The following RBM47 variants were observed in gnomAD, a reference collection of about 807,000 sequenced individuals.
The protein encoded by RBM47 is RNA binding motif protein 47.
A neutral mutation model predicts 47.1 loss-of-function variants in RBM47; 21 were observed. That is an observed-to-expected ratio of 0.45 (90% CI 0.32 to 0.64). The LOEUF (loss-of-function observed/expected upper bound fraction) is 0.64. Ranked by LOEUF, RBM47 falls within the 30% of genes least tolerant of loss-of-function variation. The pLI, the probability that RBM47 is intolerant of heterozygous loss-of-function variation, is 0.05. For synonymous variants in RBM47, 375 were observed against 361.7 expected (o/e 1.04, Z -0.42); for missense variants, 708 against 870.9 (o/e 0.81, Z 2.35).
chr4:40,464,941 C>T (rs376192060), intron 3 of RBM47, among the ~76,000 whole-genome samples: 1 of 103,642 alleles, frequency 9.6e-6, no homozygotes, highest in African/African-American at 3.5e-5. Flanking sequence ...AACAACCAAA[C>T]AAAATCAGAG....
intron 2 of RBM47, among the ~76,000 whole-genome samples, chr4:40,483,422 G>A (rs6840478): frequency 1.9e-3 from 285 of 152,336 alleles, no homozygotes; most frequent in African/African-American, 6.5e-3. Flanking sequence ...GAGCGAGACA[G>A]GCAGGGGTCA....
At chr4:40,490,003 T>A (rs1721643226) in intron 2 of RBM47, among the ~76,000 whole-genome samples, 1 of 152,138 alleles carries the variant, frequency 6.6e-6, no homozygotes, top group Non-Finnish European at 1.5e-5. Context: ...ATCAGTGCAA[T>A]ACACCATATC....
At chr4:40,464,801 G>T (rs1717725383) in intron 3 of RBM47, among the ~76,000 whole-genome samples, 1 of 141,030 alleles carries the variant, frequency 7.1e-6, no homozygotes, top group South Asian at 2.4e-4. Flanking sequence ...TGAGGCAGGA[G>T]AATGGCGTGA....
At chr4:40,520,384 T>C (rs185831861) in intron 2 of RBM47, among the ~76,000 whole-genome samples, 38 of 152,340 alleles carry the variant, frequency 2.5e-4, no homozygotes, top group Admixed American at 1.2e-3. Flanking sequence ...CCTAGAATTT[T>C]CAACTGCAGA....
chr4:40,615,520 C>T (rs921244256), intron 1 of RBM47, among the ~76,000 whole-genome samples: 13 of 152,140 alleles, frequency 8.5e-5, no homozygotes, highest in African/African-American at 2.9e-4. Context: ...GTGGCTCACA[C>T]CTGTAATTCC....
At chr4:40,609,133 T>A (rs1466967525) in intron 1 of RBM47, among the ~76,000 whole-genome samples, 1 of 151,822 alleles carries the variant, frequency 6.6e-6, no homozygotes, top group East Asian at 1.9e-4. Flanking sequence ...GCTGGGATTA[T>A]AGGTGCCCAC....
At chr4:40,601,888 G>A (rs966328199) in intron 1 of RBM47, among the ~76,000 whole-genome samples, 4 of 152,216 alleles carry the variant, frequency 2.6e-5, no homozygotes, top group African/African-American at 9.7e-5. Flanking sequence ...ATCTCTCTGG[G>A]TCGGGCGTGG....
chr4:40,487,324 C>T (rs1721230588), intron 2 of RBM47, among the ~76,000 whole-genome samples: 1 of 152,126 alleles, frequency 6.6e-6, no homozygotes, highest in East Asian at 1.9e-4. Context: ...AAGATGGAGT[C>T]TCACTCGGTC....
chr4:40,623,977 T>A (rs938484849), intron 1 of RBM47, among the ~76,000 whole-genome samples: 1 of 152,074 alleles, frequency 6.6e-6, no homozygotes, highest in Non-Finnish European at 1.5e-5. Flanking sequence ...TCAGCCTCCC[T>A]GGTAGCTGGG....
chr4:40,536,985 CT>C (rs1285962348), intron 2 of RBM47, among the ~76,000 whole-genome samples: 1 of 152,008 alleles, frequency 6.6e-6, no homozygotes, highest in Non-Finnish European at 1.5e-5. Context: ...CCCAGCCTGC[CT>C]TTTCAGTTTT....
intron 2 of RBM47, among the ~76,000 whole-genome samples, chr4:40,478,009 CTTTTT>C (rs1194806938): frequency 1.2e-5 from 1 of 86,412 alleles, no homozygotes; most frequent in African/African-American, 4.8e-5. Flanking sequence ...GTGGCATGTT[CTTTTT>C]TTTTTTTTTT....
chr4:40,563,231 G>A (rs1435780997), intron 1 of RBM47, among the ~76,000 whole-genome samples: 1 of 152,068 alleles, frequency 6.6e-6, no homozygotes, highest in Non-Finnish European at 1.5e-5. Context: ...TTTTTAAAAA[G>A]AGTATATTTT....
chr4:40,437,885 C>A lies in RBM47; in HGVS notation c.1009G>T (p.Ala337Ser). 1 of 1,613,930 alleles carries A rather than the reference C, an allele frequency of 6.2e-7. No homozygotes were observed. Residue 337 changes from alanine (A) to serine (S), a missense_variant, in exon 4 of 7, where the codon GCT becomes TCT. Physicochemically the swap from Ala to Ser is moderately conservative, Grantham distance 99. Coordinates refer to ENST00000295971, the MANE Select transcript of RBM47 (RefSeq NM_001098634.2). ...YQKAARGGGA[A>S]EAAQQPSYVY... ...TAGCTGGGCTGCTGCGCTGCCTCAG[C>A]CGCGCCGCCGCCCCTGGCTGCCTTC...
At position 40,438,088 on chromosome 4, in the gene RBM47, A is replaced by T. The variant is rs1329593986; in HGVS notation, c.806T>A (p.Phe269Tyr). 1 of 1,613,538 alleles carries T rather than the reference A, an allele frequency of 6.2e-7. No homozygotes were observed. Among genetic ancestry groups the T allele is most frequent in the Admixed American group, 1.7e-5 (1 of 59,982 alleles). Residue 269 changes from phenylalanine (F) to tyrosine (Y), a missense_variant, in exon 4 of 7, where the codon TTC becomes TAC. Coordinates refer to ENST00000295971, the MANE Select transcript of RBM47 (RefSeq NM_001098634.2). ...EDTIKKSFGQ[F>Y]NPGCVERVKK... Reference sequence around the variant, plus strand: ...GACGCGCTCCACGCAGCCGGGGTTGAACTGGCCGAAGCTCTTCTTGATGGT... The same window carrying T: ...GACGCGCTCCACGCAGCCGGGGTTGTACTGGCCGAAGCTCTTCTTGATGGT...
At chr4:40,615,282 T>C (rs1425147640) in intron 1 of RBM47, among the ~76,000 whole-genome samples, 6 of 151,518 alleles carry the variant, frequency 4.0e-5, no homozygotes, top group Non-Finnish European at 5.9e-5. Flanking sequence ...CTACAAAATA[T>C]ACAAAAAAAA....
At chr4:40,495,840 T>G (rs1310104403) in intron 2 of RBM47, among the ~76,000 whole-genome samples, 1 of 152,132 alleles carries the variant, frequency 6.6e-6, no homozygotes, top group African/African-American at 2.4e-5. Context: ...GCGCGCTCTC[T>G]CTCTCTCTCT....
chr4:40,434,389 T>C (rs992215362), intron 5 of RBM47, among the ~76,000 whole-genome samples: 1 of 151,818 alleles, frequency 6.6e-6, no homozygotes, highest in Non-Finnish European at 1.5e-5. Context: ...CTACAAGGGG[T>C]TGTATGAAGT....
chr4:40,611,351 T>C (rs1736241009), intron 1 of RBM47, among the ~76,000 whole-genome samples: 1 of 152,218 alleles, frequency 6.6e-6, no homozygotes, highest in Non-Finnish European at 1.5e-5. Context: ...ACATTTTGTA[T>C]CTCCAATGCC....
intron 1 of RBM47, among the ~76,000 whole-genome samples, chr4:40,603,383 G>A (rs953423131): frequency 1.3e-5 from 2 of 152,136 alleles, no homozygotes; most frequent in African/African-American, 4.8e-5. Flanking sequence ...CCAGTATGGG[G>A]ATATTTTTAA....
Sources: gnomAD v4.1 joint callset for allele counts (sites outside exome capture counted in the v4.1 genomes callset) on GRCh38, gnomAD v4.1.1 for gene constraint, MANE v1.5 for transcripts, NCBI Gene and HGNC (gene_info 2026-07-23, HGNC 2026-07-21) for gene names.